PLCL2: variants seen among roughly 807,000 people sequenced by gnomAD.
PLCL2 encodes the protein inactive phospholipase C-like protein 2.
Under a neutral mutation model 79.6 loss-of-function variants are expected in PLCL2, and 4 were observed. That is an observed-to-expected ratio of 0.05 (90% CI 0.02 to 0.11). PLCL2 has a LOEUF of 0.11. Among genes scored for constraint, PLCL2 ranks in the 10% least tolerant of loss-of-function variants. PLCL2 has a pLI of 1.00. For missense variants in PLCL2, 895 were observed against 1,291.0 expected (o/e 0.69, Z 4.70); for synonymous variants, 484 against 457.7 (o/e 1.06, Z -0.73).
intron 1 of PLCL2, among the ~76,000 whole-genome samples, chr3:16,964,883 TAA>T (rs1316110580): frequency 6.6e-6 from 1 of 152,298 alleles, no homozygotes; most frequent in African/African-American, 2.4e-5. Context: ...TTTTTTCTTG[TAA>T]ATTTGTTTGA....
At position 16,887,558 on chromosome 3, in the gene PLCL2, T is replaced by C. The variant is rs1243022647; in HGVS notation, c.327+2192T>C. On this transcript the variant is annotated intron_variant, in intron 1 of 5. Transcript: ENST00000615277. The surrounding 1 kb of genome is among the most constrained non-coding windows in gnomAD (Gnocchi z 4.1). Reference sequence around the variant, plus strand: ...TTGAAAGTTGATCAATACTGGGTTATAGGAAAGAGAGGATGCTATATTTAA... The same window carrying C: ...TTGAAAGTTGATCAATACTGGGTTACAGGAAAGAGAGGATGCTATATTTAA... Among the ~76,000 whole-genome samples, 2 of 152,216 alleles carry C rather than the reference T, an allele frequency of 1.3e-5. No individual in the cohort carries two copies. The highest frequency in any genetic ancestry group is 4.8e-5 in the African/African-American group (2 of 41,456).
At chr3:16,952,209 T>C (rs1024425385) in intron 1 of PLCL2, among the ~76,000 whole-genome samples, 1 of 151,604 alleles carries the variant, frequency 6.6e-6, no homozygotes, top group African/African-American at 2.4e-5. Flanking sequence ...GGGAGAGCAT[T>C]AGGACAAATA....
At chr3:17,074,289 G>T (rs2065089111) in intron 5 of PLCL2, among the ~76,000 whole-genome samples, 1 of 152,218 alleles carries the variant, frequency 6.6e-6, no homozygotes, top group Non-Finnish European at 1.5e-5. Flanking sequence ...TTGATATGCA[G>T]TAATATTGTG....
intron 1 of PLCL2, among the ~76,000 whole-genome samples, chr3:16,948,915 G>C (rs2063625292): frequency 6.6e-6 from 1 of 152,146 alleles, no homozygotes; most frequent in African/African-American, 2.4e-5. Context: ...TGACTTTGCT[G>C]TGCATTGTCT....
At chr3:16,902,881 T>C (rs1030046068) in intron 1 of PLCL2, among the ~76,000 whole-genome samples, 2,473 of 133,904 alleles carry the variant, frequency 0.018, 28 homozygotes, top group Non-Finnish European at 0.023. Context: ...TGTGTGTGTG[T>C]GNGCGCATGT....
At chr3:17,089,157 G>T (rs1467845379) in intron 5 of PLCL2, among the ~76,000 whole-genome samples, 1 of 152,172 alleles carries the variant, frequency 6.6e-6, no homozygotes, top group Non-Finnish European at 1.5e-5. Context: ...CTGGTGCAGT[G>T]CTGTGCCTTG....
intron 1 of PLCL2, among the ~76,000 whole-genome samples, chr3:16,904,588 C>T (rs1409996593): frequency 1.3e-5 from 2 of 152,112 alleles, no homozygotes; most frequent in East Asian, 3.9e-4. Flanking sequence ...CAGCTGCCAT[C>T]CTGGAAGCAC....
At chr3:17,085,594 C>T (rs907312236) in intron 5 of PLCL2, among the ~76,000 whole-genome samples, 20 of 151,972 alleles carry the variant, frequency 1.3e-4, no homozygotes, top group African/African-American at 3.9e-4. Context: ...GGACTACAGG[C>T]GCCCGCCACC....
At chr3:16,934,658 C>T (rs950967952) in intron 1 of PLCL2, among the ~76,000 whole-genome samples, 11 of 151,956 alleles carry the variant, frequency 7.2e-5, no homozygotes, top group Non-Finnish European at 1.3e-4. Flanking sequence ...GAGAGTAAAC[C>T]GGAAAGGGAT....
chr3:17,047,198 C>T (rs554156758), intron 4 of PLCL2, among the ~76,000 whole-genome samples: 19 of 152,278 alleles, frequency 1.2e-4, no homozygotes, highest in Non-Finnish European at 2.5e-4. Context: ...AGGAAGGAAT[C>T]AAGGGGCAAA....
intron 1 of PLCL2, among the ~76,000 whole-genome samples, chr3:16,928,822 C>T (rs1184889339): frequency 1.3e-5 from 2 of 152,138 alleles, no homozygotes; most frequent in African/African-American, 4.8e-5. Context: ...TTCGGTGATG[C>T]TATCCTTATT....
chr3:16,929,069 C>A (rs370590306), intron 1 of PLCL2, among the ~76,000 whole-genome samples: 27 of 354 alleles, frequency 0.076, no homozygotes, highest in African/African-American at 0.17. Context: ...TGGCTTTGAA[C>A]GTACACCACA....
chr3:17,072,399 T>C (rs2065068209), intron 5 of PLCL2, among the ~76,000 whole-genome samples: 1 of 152,160 alleles, frequency 6.6e-6, no homozygotes, highest in African/African-American at 2.4e-5. Flanking sequence ...CCGGGCATGG[T>C]AGCTCACACC....
intron 1 of PLCL2, among the ~76,000 whole-genome samples, chr3:16,980,459 C>T (rs530108804): frequency 8.3e-4 from 120 of 145,134 alleles, no homozygotes; most frequent in African/African-American, 2.7e-3. Context: ...ACTTCTCAGA[C>T]GGGGCGGCCG....
intron 1 of PLCL2, among the ~76,000 whole-genome samples, chr3:16,954,033 A>T (rs1349670604): frequency 6.6e-6 from 1 of 151,710 alleles, no homozygotes; most frequent in Non-Finnish European, 1.5e-5. Flanking sequence ...TTTTAATTTT[A>T]TTATTATTAT....
At chr3:16,975,113 G>T (rs916056714) in intron 1 of PLCL2, among the ~76,000 whole-genome samples, 13 of 152,182 alleles carry the variant, frequency 8.5e-5, no homozygotes, top group African/African-American at 3.1e-4. Context: ...TGGGCTCCAA[G>T]ACTATTGCCT....
chr3:16,981,024 C>T (rs1165407349), intron 1 of PLCL2, among the ~76,000 whole-genome samples: 3 of 152,214 alleles, frequency 2.0e-5, no homozygotes, highest in Non-Finnish European at 4.4e-5. Context: ...CAATCGCAGG[C>T]ACTCGGCAAG....
intron 1 of PLCL2, among the ~76,000 whole-genome samples, chr3:16,940,626 C>G (rs1255972485): frequency 1.3e-5 from 2 of 151,848 alleles, no homozygotes; most frequent in Non-Finnish European, 2.9e-5. Flanking sequence ...ACTCCCTAAA[C>G]CTAAAATAAG....
intron 3 of PLCL2, among the ~76,000 whole-genome samples, chr3:17,026,306 A>G (rs763794539): frequency 6.6e-6 from 1 of 152,224 alleles, no homozygotes; most frequent in Non-Finnish European, 1.5e-5. Flanking sequence ...TTAATTACCA[A>G]TTAGCTGAAA....
Sources: allele counts gnomAD v4.1 joint callset (sites outside exome capture counted in the v4.1 genomes callset), GRCh38; gene constraint gnomAD v4.1.1; non-coding constraint Gnocchi (gnomAD v3.1); transcripts MANE v1.5; gene names NCBI Gene and HGNC (gene_info 2026-07-23, HGNC 2026-07-21).